Variants in GLI2 observed in about 807,000 individuals in gnomAD.
The protein encoded by GLI2 is GLI family zinc finger 2.
In GLI2, 22 loss-of-function variants were observed where a neutral mutation model predicts 78.9. The observed-to-expected ratio is 0.28, with a 90% CI of 0.20 to 0.40. GLI2 has a LOEUF of 0.40. Among genes scored for constraint, GLI2 ranks in the 10% least tolerant of loss-of-function variants. GLI2 has a pLI of 1.00. For missense variants in GLI2, 2,097 were observed against 2,213.2 expected (o/e 0.95, Z 1.05); for synonymous variants, 974 against 963.7 (o/e 1.01, Z -0.20).
chr2:120,777,864 G>A (rs1307545671), intron 1 of GLI2, among the ~76,000 whole-genome samples: 2 of 152,006 alleles, frequency 1.3e-5, no homozygotes, highest in African/African-American at 4.8e-5. Flanking sequence ...CATCTGGGGT[G>A]TAGACTTGGG....
intron 1 of GLI2, among the ~76,000 whole-genome samples, chr2:120,789,948 C>T (rs999435374): frequency 3.9e-5 from 6 of 152,212 alleles, no homozygotes; most frequent in Non-Finnish European, 8.8e-5. Flanking sequence ...GAGGAGCTAG[C>T]CAGCTCGGGA....
chr2:120,784,462 A>G (rs1683937553), intron 1 of GLI2, among the ~76,000 whole-genome samples: 1 of 151,764 alleles, frequency 6.6e-6, no homozygotes, highest in African/African-American at 2.4e-5. Flanking sequence ...TAGAAATAAC[A>G]TAAAGGGCGA....
At chr2:120,950,294 G>A (rs1680914943) in intron 3 of GLI2, among the ~76,000 whole-genome samples, 1 of 152,222 alleles carries the variant, frequency 6.6e-6, no homozygotes, top group Non-Finnish European at 1.5e-5. Flanking sequence ...GAATAAAAAT[G>A]AAATCTTGGT....
chr2:120,879,017 A>G (rs969441998), intron 2 of GLI2, among the ~76,000 whole-genome samples: 8 of 152,072 alleles, frequency 5.3e-5, no homozygotes, highest in African/African-American at 1.9e-4. Context: ...TCAGAAGCTC[A>G]GTCTGCGAGC....
intron 1 of GLI2, among the ~76,000 whole-genome samples, chr2:120,778,001 C>T (rs1683733224): frequency 6.6e-6 from 1 of 152,118 alleles, no homozygotes; most frequent in Non-Finnish European, 1.5e-5. Context: ...CTAGGCCCAG[C>T]TGTGTTGGTG....
intron 1 of GLI2, among the ~76,000 whole-genome samples, chr2:120,793,875 G>A (rs893404107): frequency 6.6e-6 from 1 of 152,218 alleles, no homozygotes. Context: ...GCCTGGCCCC[G>A]TGCCTTCCTG....
intron 1 of GLI2, among the ~76,000 whole-genome samples, chr2:120,752,870 A>G (rs1312656676): frequency 6.6e-6 from 1 of 152,190 alleles, no homozygotes; most frequent in Non-Finnish European, 1.5e-5. Flanking sequence ...CTGTGAGCAC[A>G]TAAACAGCTT....
Position 120,988,692 on chromosome 2 carries a change from G to T in GLI2, c.2727G>T (p.Thr909=). The T allele has an allele frequency of 1.6e-6, 2 of 1,263,190 alleles. No homozygotes were observed. Among genetic ancestry groups the T allele is most frequent in the Non-Finnish European group, 2.0e-6 (2 of 998,732 alleles). 78.2% of individuals were successfully genotyped at this position (1,263,190 alleles called of 1,614,324 possible). The change falls in exon 14 of 14, where the codon ACG becomes ACT. Residue 909 remains threonine, a synonymous_variant. Transcript: ENST00000361492. The part of the protein sequence containing the change: ...RLALLDAPER[T]LPAGCPRPLG... ...CGCTGCTGGACGCGCCCGAGCGCAC[G>T]CTGCCCGCCGGCTGCCCACGCCCAC... is the stretch of plus-strand genomic sequence containing the variant.
intron 2 of GLI2, among the ~76,000 whole-genome samples, chr2:120,813,968 C>T (rs531045298): frequency 7.9e-5 from 12 of 151,532 alleles, no homozygotes; most frequent in Non-Finnish European, 1.8e-4. Flanking sequence ...TGAGGTGAGA[C>T]GGGAGGAAAG....
rs779324521 is a variant in GLI2, at chr2:120,971,977, G to A, written c.1096G>A (p.Val366Ile). Residue 366 changes from valine to isoleucine, a missense_variant, in exon 8 of 14, where the codon GTC becomes ATC. Physicochemically the swap from Val to Ile is conservative, Grantham distance 29. Transcript: ENST00000361492. Reference sequence around the variant, plus strand: ...CAGTGAGTCGGCCGTCAGCAGCACCGTCAACCCTGTCGCCATTCACAAGCG... The same window carrying A: ...CAGTGAGTCGGCCGTCAGCAGCACCATCAACCCTGTCGCCATTCACAAGCG... Reference protein sequence around the residue: ...QSSESAVSSTVNPVAIHKRSK... With the variant: ...QSSESAVSSTINPVAIHKRSK... 27 of 1,613,386 alleles carry A rather than the reference G, an allele frequency of 1.7e-5. No homozygotes were observed. Among genetic ancestry groups the A allele is most frequent in the South Asian group, 5.5e-5 (5 of 91,078 alleles).
intron 4 of GLI2, among the ~76,000 whole-genome samples, chr2:120,954,736 C>T (rs1455739642): frequency 2.0e-5 from 3 of 152,174 alleles, no homozygotes; most frequent in African/African-American, 7.2e-5. Flanking sequence ...CAGACAGCCC[C>T]GAGGCTCTGC....
At position 120,989,496 on chromosome 2, in the gene GLI2, C is replaced by T. The variant is rs761286894; in HGVS notation, c.3531C>T (p.Ser1177=). 6.2e-7 allele frequency: 1 copy of T among 1,611,810 alleles called. No homozygotes were observed. Among genetic ancestry groups the T allele is most frequent in the South Asian group, 1.1e-5 (1 of 91,018 alleles). The stretch of plus-strand genomic sequence containing the variant: ...ACAGTCCGCAAGGCCTACAGGCTAG[C>T]CCTGGGGGCCTGGACAGCACGCAGC... ...PGYSPQGLQA[S]PGGLDSTQPH... The change falls in exon 14 of 14, where the codon AGC becomes AGT. Residue 1177 remains serine, a synonymous_variant. Coordinates refer to ENST00000361492, the MANE Select transcript of GLI2 (RefSeq NM_001374353.1).
At chr2:120,894,236 G>C (rs1218601567) in intron 2 of GLI2, among the ~76,000 whole-genome samples, 3 of 152,196 alleles carry the variant, frequency 2.0e-5, no homozygotes, top group Non-Finnish European at 4.4e-5. Flanking sequence ...TCAGATCTGT[G>C]CACTTTTTGA....
intron 2 of GLI2, among the ~76,000 whole-genome samples, chr2:120,909,820 A>T (rs192165830): frequency 6.6e-6 from 1 of 152,162 alleles, no homozygotes; most frequent in Non-Finnish European, 1.5e-5. Context: ...AGCTGAGATC[A>T]CGCCACTGCA....
At chr2:120,973,082 C>G (rs1458974414) in intron 8 of GLI2, among the ~76,000 whole-genome samples, 1 of 152,152 alleles carries the variant, frequency 6.6e-6, no homozygotes, top group Non-Finnish European at 1.5e-5. Flanking sequence ...TGCCGAGCAT[C>G]CTTTATCAAA....
chr2:120,955,209 G>T (rs769831946), intron 4 of GLI2, 36 bp from the exon 5 acceptor site: 1 of 969,284 alleles, frequency 1.0e-6, no homozygotes, highest in South Asian at 1.3e-5. Context: ...CCAGTGCCAG[G>T]TTCTGACGGC....
chr2:120,923,261 T>C (rs12994573), intron 2 of GLI2, among the ~76,000 whole-genome samples: 77 of 61,740 alleles, frequency 1.2e-3, no homozygotes, highest in African/African-American at 4.0e-3. Flanking sequence ...AGCACACACA[T>C]ACACAGCAAC....
chr2:120,927,159 T>C (rs1269764995), intron 2 of GLI2, among the ~76,000 whole-genome samples: 1 of 152,230 alleles, frequency 6.6e-6, no homozygotes, highest in African/African-American at 2.4e-5. Flanking sequence ...GGATCTTTTA[T>C]GTGAAAGATG....
At chr2:120,881,441 T>C in intron 2 of GLI2, among the ~76,000 whole-genome samples, 1 of 29,308 alleles carries the variant, frequency 3.4e-5, no homozygotes, top group Non-Finnish European at 6.8e-5. Flanking sequence ...AGGGCAGGAG[T>C]GGGAGGACTG....
Sources: gnomAD v4.1 joint callset for allele counts (sites outside exome capture counted in the v4.1 genomes callset) on GRCh38, gnomAD v4.1.1 for gene constraint, MANE v1.5 for transcripts, NCBI Gene and HGNC (gene_info 2026-07-23, HGNC 2026-07-21) for gene names.